Variants in SKI observed in about 807,000 individuals in gnomAD.
SKI encodes ski oncogene.
Under a neutral mutation model 59.3 loss-of-function variants are expected in SKI, and 23 were observed. The observed-to-expected ratio is 0.39, with a 90% CI of 0.28 to 0.55. The LOEUF is 0.55. Among genes scored for constraint, SKI ranks in the 20% least tolerant of loss-of-function variants. SKI has a pLI of 0.67. For synonymous variants in SKI, 673 were observed against 488.6 expected, an observed-to-expected ratio of 1.38 and a Z score of -4.98; for missense variants, 1,017 against 1,038.9, an observed-to-expected ratio of 0.98 and a Z score of 0.29.
intron 1 of SKI, among the ~76,000 whole-genome samples, chr1:2,233,128 G>T (rs1392575217): frequency 6.6e-6 from 1 of 152,132 alleles, no homozygotes; most frequent in Non-Finnish European, 1.5e-5. Flanking sequence ...TTCCGTGCAG[G>T]CTGATAACAG....
chr1:2,306,829 GCAGCTCCGCC>G lies in SKI; in HGVS notation c.*66_*75del, dbSNP rs1408204948. On this transcript the variant is annotated 3_prime_UTR_variant, in exon 7 of 7. Transcript: ENST00000378536. The stretch of plus-strand genomic sequence containing the variant: ...GTGCAGGGGGGCGCGGCTGGGCGGT[GCAGCTCCGCC>G]CGGCTCCGCCCCTGCAGCCCACACA... 4.2e-5 allele frequency: 51 copies of G among 1,212,026 alleles called. 1 individual carries two copies. Among genetic ancestry groups the G allele is most frequent in the Non-Finnish European group, 4.5e-5 (42 of 942,156 alleles). 75.1% of individuals were successfully genotyped at this position (1,212,026 alleles called of 1,614,324 possible). A position where few individuals can be genotyped will look rare whatever the true frequency, so the allele number is the denominator to read the frequency against.
At chr1:2,253,259 G>A (rs944270356) in intron 1 of SKI, among the ~76,000 whole-genome samples, 2 of 151,650 alleles carry the variant, frequency 1.3e-5, no homozygotes, top group South Asian at 2.1e-4. Context: ...CAGAGCACCC[G>A]GGCCGGTATC....
chr1:2,299,979 C>T (rs986801671), intron 1 of SKI, among the ~76,000 whole-genome samples: 2 of 152,212 alleles, frequency 1.3e-5, no homozygotes, highest in African/African-American at 4.8e-5. Context: ...CTGTTTGGGC[C>T]ACCGCCTCTG....
chr1:2,260,255 T>C (rs1294510464), intron 1 of SKI, among the ~76,000 whole-genome samples: 2 of 152,224 alleles, frequency 1.3e-5, no homozygotes. Flanking sequence ...GCTTCCCCAA[T>C]CGTTGAGAAC....
intron 1 of SKI, among the ~76,000 whole-genome samples, chr1:2,232,236 A>G (rs1474894422): frequency 1.3e-5 from 2 of 152,244 alleles, no homozygotes; most frequent in Non-Finnish European, 2.9e-5. Flanking sequence ...CAAAGAATGT[A>G]CTGGAACTCT....
intron 1 of SKI, among the ~76,000 whole-genome samples, chr1:2,245,265 C>T (rs1157459746): frequency 4.6e-5 from 7 of 152,144 alleles, no homozygotes; most frequent in Non-Finnish European, 2.9e-5. Flanking sequence ...GTCACAGTCT[C>T]CTTCCTTCTC....
At chr1:2,295,130 C>T (rs1219048986) in intron 1 of SKI, among the ~76,000 whole-genome samples, 1 of 152,204 alleles carries the variant, frequency 6.6e-6, no homozygotes, top group African/African-American at 2.4e-5. Context: ...GCTGCCTGAC[C>T]CTGAACAGCT....
chr1:2,232,986 TC>T (rs1638674869), intron 1 of SKI, among the ~76,000 whole-genome samples: 1 of 152,152 alleles, frequency 6.6e-6, no homozygotes, highest in Admixed American at 6.5e-5. Context: ...GCTGTAGGAC[TC>T]CATTGGACTA....
At chr1:2,259,170 C>T (rs561384538) in intron 1 of SKI, among the ~76,000 whole-genome samples, 15 of 152,176 alleles carry the variant, frequency 9.9e-5, no homozygotes, top group Non-Finnish European at 2.2e-4. Flanking sequence ...TAAAGTTTTA[C>T]AGGTGCATGG....
At chr1:2,238,735 C>T (rs758700808) in intron 1 of SKI, among the ~76,000 whole-genome samples, 6 of 152,210 alleles carry the variant, frequency 3.9e-5, no homozygotes, top group East Asian at 1.9e-4. Context: ...CCACCTGCGC[C>T]GCTGCCTGTG....
Position 2,269,987 on chromosome 1 carries a change from C to A in SKI, c.970-32991C>A, listed in dbSNP as rs1423807123. On this transcript the variant is annotated intron_variant, in intron 1 of 6. Transcript: ENST00000378536. The surrounding 1 kb of genome is among the most constrained non-coding windows in gnomAD (Gnocchi z 4.7). ...GTGCCTGTGGCTGGCGTGGGTCTGG[C>A]GGGTCTGGTGGTGCCTGTGGCTGGC... Among the ~76,000 whole-genome samples the A allele has an allele frequency of 7.6e-6, 1 of 132,408 alleles. No individual in the cohort carries two copies. The highest frequency in any genetic ancestry group is 1.6e-5 in the Non-Finnish European group (1 of 61,288). The allele number at this position is 132,408 out of a possible 152,430, so 86.9% of individuals were successfully genotyped here.
In SKI at chr1:2,303,774, G is replaced by T; in HGVS notation, c.1212-66G>T. On this transcript the variant is annotated intron_variant, in intron 3 of 6. Coordinates refer to ENST00000378536, the MANE Select transcript of SKI (RefSeq NM_003036.4). This position sits in a 1 kb window ranked among gnomAD's most constrained non-coding sequence, Gnocchi z 5.6. ...TTTAACACCTTCAGAGGGGGTGTGC[G>T]CCAGGATGTGTCTGGGTGGTGCTTG... 1.3e-6 allele frequency: 2 copies of T among 1,586,734 alleles called. No homozygotes were observed. The highest frequency in any genetic ancestry group is 1.7e-6 in the Non-Finnish European group (2 of 1,165,176).
At chr1:2,277,792 G>A (rs1453430830) in intron 1 of SKI, among the ~76,000 whole-genome samples, 2 of 136,538 alleles carry the variant, frequency 1.5e-5, no homozygotes, top group Non-Finnish European at 3.0e-5. Flanking sequence ...CGTCAGCACC[G>A]TGAGCGCACA....
chr1:2,263,176 C>A (rs1000645170), intron 1 of SKI, among the ~76,000 whole-genome samples: 1 of 151,432 alleles, frequency 6.6e-6, no homozygotes, highest in African/African-American at 2.4e-5. Flanking sequence ...GCTGGGATTA[C>A]AGGCATGTGC....
intron 1 of SKI, among the ~76,000 whole-genome samples, chr1:2,263,838 G>A (rs1052073908): frequency 1.4e-5 from 2 of 145,930 alleles, no homozygotes; most frequent in Admixed American, 6.9e-5. Context: ...CTGCACTTCA[G>A]CCTGGGCGAC....
At chr1:2,232,091 G>T (rs577592773) in intron 1 of SKI, among the ~76,000 whole-genome samples, 1 of 152,348 alleles carries the variant, frequency 6.6e-6, no homozygotes, top group Admixed American at 6.5e-5. Context: ...GGGAGGCCCC[G>T]CCTCCGCCCT....
At chr1:2,233,327 C>T (rs896940157) in intron 1 of SKI, among the ~76,000 whole-genome samples, 2 of 151,846 alleles carry the variant, frequency 1.3e-5, no homozygotes, top group African/African-American at 4.8e-5. Flanking sequence ...GGGGGCCGGG[C>T]GTCCTGTTCC....
At chr1:2,295,166 C>T (rs1193583380) in intron 1 of SKI, among the ~76,000 whole-genome samples, 1 of 152,234 alleles carries the variant, frequency 6.6e-6, no homozygotes, top group Non-Finnish European at 1.5e-5. Context: ...CTGGAGCCTT[C>T]CTGGTGTCCT....
chr1:2,272,607 CTA>C (rs1639649510), intron 1 of SKI, among the ~76,000 whole-genome samples: 1 of 152,212 alleles, frequency 6.6e-6, no homozygotes, highest in African/African-American at 2.4e-5. Flanking sequence ...GAACTGGTTC[CTA>C]TTTTTGCATT....
Sources: gnomAD v4.1 joint callset for allele counts (sites outside exome capture counted in the v4.1 genomes callset) on GRCh38, gnomAD v4.1.1 for gene constraint, Gnocchi (gnomAD v3.1) non-coding constraint, MANE v1.5 for transcripts, NCBI Gene and HGNC (gene_info 2026-07-23, HGNC 2026-07-21) for gene names.